Variants in ATP10B observed in about 807,000 individuals in gnomAD.
ATP10B encodes ATPase phospholipid transporting 10B (putative), also known as phospholipid-transporting ATPase VB.
ATP10B carries 122 observed loss-of-function variants against 141.2 expected under a neutral mutation model. The observed-to-expected ratio is 0.86, with a 90% CI of 0.75 to 1.00. The LOEUF (loss-of-function observed/expected upper bound fraction) is 1.00. Among genes scored for constraint, ATP10B ranks in the 50% least tolerant of loss-of-function variants. The pLI is 0.00. For missense variants in ATP10B, 1,876 were observed against 1,825.3 expected (o/e 1.03, Z -0.51); for synonymous variants, 685 against 692.0 (o/e 0.99, Z 0.16).
At chr5:160,928,437 T>G in the ATP10B span, among the ~76,000 whole-genome samples, 1 of 152,142 alleles carries the variant, frequency 6.6e-6, no homozygotes, top group East Asian at 1.9e-4. Flanking sequence ...CCCAAATAGT[T>G]CCTCACCAGC....
intron 1 of ATP10B, among the ~76,000 whole-genome samples, chr5:160,793,372 C>G (rs187232515): frequency 6.6e-6 from 1 of 152,116 alleles, no homozygotes; most frequent in Non-Finnish European, 1.5e-5. Flanking sequence ...TCAGAGAAGC[C>G]TGGCAAGTAA....
chr5:160,841,412 T>C (rs904638186), intron 1 of ATP10B, among the ~76,000 whole-genome samples: 1 of 152,126 alleles, frequency 6.6e-6, no homozygotes, highest in Non-Finnish European at 1.5e-5. Flanking sequence ...AGGAAGTCAA[T>C]GACAAGAACA....
intron 1 of ATP10B, among the ~76,000 whole-genome samples, chr5:160,798,660 GT>G: frequency 6.6e-6 from 1 of 151,624 alleles, no homozygotes; most frequent in East Asian, 1.9e-4. Context: ...ATACATTTCT[GT>G]TGCTTAAAGC....
In ATP10B at chr5:160,737,742, A is replaced by G. The variant is rs377145186; in HGVS notation, c.-330-20708T>C. On this transcript the variant is annotated intron_variant, in intron 2 of 25. Transcript: ENST00000327245. ...AAAAGAAGAGGCATTTTATAATATT[A>G]AAAGGATCAATCATTAGGAAGACAT... is the stretch of plus-strand genomic sequence containing the variant. Among the ~76,000 whole-genome samples, 13 of 152,290 alleles carry G rather than the reference A, an allele frequency of 8.5e-5. No homozygotes were observed. In the East Asian group the frequency reaches 1.9e-3, roughly 23 times the overall value.
chr5:160,703,994 T>A (rs867433990), intron 3 of ATP10B, among the ~76,000 whole-genome samples: 28 of 152,312 alleles, frequency 1.8e-4, no homozygotes, highest in Middle Eastern at 6.8e-3. Context: ...TTTGTTATTG[T>A]TGTTGAGAGA....
At chr5:160,615,220 T>C (rs1274239045) in intron 17 of ATP10B, among the ~76,000 whole-genome samples, 1 of 152,058 alleles carries the variant, frequency 6.6e-6, no homozygotes, top group Non-Finnish European at 1.5e-5. Flanking sequence ...CCTTCCATCA[T>C]TTCTCCCCAC....
intron 21 of ATP10B, among the ~76,000 whole-genome samples, chr5:160,602,157 AAT>A (rs1757131713): frequency 6.6e-6 from 1 of 152,242 alleles, no homozygotes. Context: ...ACGATACGCT[AAT>A]CACTTTATAT....
intron 2 of ATP10B, among the ~76,000 whole-genome samples, chr5:160,729,625 C>T (rs902170329): frequency 3.3e-5 from 5 of 152,240 alleles, no homozygotes; most frequent in East Asian, 1.9e-4. Flanking sequence ...GCAGTAGCAA[C>T]GGCCTACAAG....
intron 2 of ATP10B, among the ~76,000 whole-genome samples, chr5:160,768,103 C>T (rs1452748590): frequency 3.3e-5 from 5 of 152,118 alleles, no homozygotes; most frequent in South Asian, 2.1e-4. Context: ...GTCAGGCCAA[C>T]CTACCCTGGA....
chr5:160,890,338 A>G, the ATP10B span, among the ~76,000 whole-genome samples: 1 of 152,208 alleles, frequency 6.6e-6, no homozygotes, highest in South Asian at 2.1e-4. Context: ...ACATGTACAA[A>G]TCGTGGCATT....
At chr5:160,637,837 C>T (rs890010060) in intron 10 of ATP10B, among the ~76,000 whole-genome samples, 6 of 152,192 alleles carry the variant, frequency 3.9e-5, no homozygotes, top group African/African-American at 1.4e-4. Flanking sequence ...GCCGTCATAC[C>T]TAACAGAAGA....
intron 1 of ATP10B, among the ~76,000 whole-genome samples, chr5:160,845,288 G>T (rs1348730487): frequency 1.7e-4 from 26 of 152,066 alleles, no homozygotes; most frequent in Admixed American, 1.7e-3. Flanking sequence ...CCATGACTGT[G>T]GACATGACAT....
At chr5:160,811,554 G>A (rs1245201785) in intron 1 of ATP10B, among the ~76,000 whole-genome samples, 1 of 152,160 alleles carries the variant, frequency 6.6e-6, no homozygotes, top group Non-Finnish European at 1.5e-5. Context: ...ACTTCCCGTG[G>A]ATCAGTAGTT....
At chr5:160,849,433 C>T (rs1753657829) in intron 1 of ATP10B, among the ~76,000 whole-genome samples, 1 of 152,132 alleles carries the variant, frequency 6.6e-6, no homozygotes, top group South Asian at 2.1e-4. Context: ...GCAACAGCAG[C>T]CAGTGATCAC....
At chr5:160,618,007 A>G in intron 15 of ATP10B, 34 bp from the exon 16 acceptor site, 3 of 1,525,432 alleles carry the variant, frequency 2.0e-6, no homozygotes, top group Non-Finnish European at 2.7e-6. Context: ...ATGAGGCCAC[A>G]TACAAATGCT....
intron 24 of ATP10B, among the ~76,000 whole-genome samples, chr5:160,575,726 C>T (rs984454131): frequency 5.3e-5 from 8 of 151,976 alleles, no homozygotes; most frequent in Non-Finnish European, 1.0e-4. Context: ...CCTAAATAGC[C>T]ACAGTCAATT....
At chr5:160,636,335 A>C (rs1224617854) in intron 10 of ATP10B, 26 bp from the exon 11 acceptor site, 2 of 1,608,246 alleles carry the variant, frequency 1.2e-6, no homozygotes, top group Non-Finnish European at 1.7e-6. Context: ...ACCAGGAATG[A>C]GGCTGAATCT....
At chr5:160,714,115 G>C (rs1336793169) in intron 3 of ATP10B, among the ~76,000 whole-genome samples, 2 of 54,224 alleles carry the variant, frequency 3.7e-5, no homozygotes, top group East Asian at 1.0e-3. Context: ...TTCTCGAGGA[G>C]TATCTTTGTT....
At chr5:160,752,267 G>T (rs1476760839) in intron 2 of ATP10B, among the ~76,000 whole-genome samples, 1 of 150,844 alleles carries the variant, frequency 6.6e-6, no homozygotes, top group African/African-American at 2.4e-5. Context: ...CTTCTCACTG[G>T]GGTCATCAAT....
Sources: allele counts gnomAD v4.1 joint callset (sites outside exome capture counted in the v4.1 genomes callset), GRCh38; gene constraint gnomAD v4.1.1; transcripts MANE v1.5; gene names NCBI Gene and HGNC (gene_info 2026-07-23, HGNC 2026-07-21).